ZNF670: variants seen among roughly 807,000 people sequenced by gnomAD.
ZNF670 encodes zinc finger protein 670.
A neutral mutation model predicts 10.9 loss-of-function variants in ZNF670; 7 were observed. That is an observed-to-expected ratio of 0.64 (90% CI 0.36 to 1.20). The LOEUF is 1.20. Among genes scored for constraint, ZNF670 ranks in the 50% most tolerant of loss-of-function variants. The pLI is 0.02. For synonymous variants in ZNF670, 136 were observed against 152.7 expected, an observed-to-expected ratio of 0.89 and a Z score of 0.81; for missense variants, 446 against 458.6, an observed-to-expected ratio of 0.97 and a Z score of 0.25.
chr1:247,055,251 T>TTTCC (rs1173601254), intron 1 of ZNF670, among the ~76,000 whole-genome samples: 1 of 152,218 alleles, frequency 6.6e-6, no homozygotes, highest in African/African-American at 2.4e-5. Context: ...TGGTGAGCAC[T>TTTCC]TTCCTTTCCT....
chr1:247,070,854 C>A (rs914863998), intron 1 of ZNF670, among the ~76,000 whole-genome samples: 8 of 152,216 alleles, frequency 5.3e-5, no homozygotes, highest in Non-Finnish European at 1.2e-4. Flanking sequence ...CCAAAGAAGA[C>A]ATACACATGG....
chr1:247,039,308 G>GC (rs756504124), intron 2 of ZNF670, 103 bp downstream of exon 2: 28 of 1,362,198 alleles, frequency 2.1e-5, no homozygotes, highest in Non-Finnish European at 2.8e-5. Flanking sequence ...CGATTCACCC[G>GC]CCTTGGCCTC....
In ZNF670 at chr1:247,037,200, G is replaced by T; in HGVS notation, c.*249C>A. The stretch of plus-strand genomic sequence containing the variant: ...ATGAACCACTGATAAAAATATATTT[G>T]AAAGCGGCTGGGAAAATAAAGTGTT... On this transcript the variant is annotated 3_prime_UTR_variant, in exon 4 of 4. Coordinates refer to ENST00000366503, the MANE Select transcript of ZNF670 (RefSeq NM_033213.5). 1 of 395,330 alleles carries T rather than the reference G, an allele frequency of 2.5e-6. No individual in the cohort carries two copies. Among genetic ancestry groups the T allele is most frequent in the Non-Finnish European group, 4.5e-6 (1 of 224,622 alleles). 24.5% of individuals were successfully genotyped at this position (395,330 alleles called of 1,614,324 possible).
intron 1 of ZNF670, among the ~76,000 whole-genome samples, chr1:247,061,530 T>C (rs1385746173): frequency 6.6e-6 from 1 of 151,958 alleles, no homozygotes; most frequent in South Asian, 2.1e-4. Context: ...AAAATAATAA[T>C]AGAAAAAACT....
chr1:247,074,492 T>A (rs757597884), intron 1 of ZNF670, among the ~76,000 whole-genome samples: 4 of 152,128 alleles, frequency 2.6e-5, no homozygotes, highest in Non-Finnish European at 4.4e-5. Flanking sequence ...CCCAGTGTTT[T>A]TCCTCATTGC....
intron 1 of ZNF670, among the ~76,000 whole-genome samples, chr1:247,071,356 C>A (rs1002581423): frequency 3.3e-5 from 5 of 152,214 alleles, no homozygotes; most frequent in African/African-American, 7.2e-5. Flanking sequence ...TTATCCTAAT[C>A]AAATTAACAC....
intron 1 of ZNF670, among the ~76,000 whole-genome samples, chr1:247,054,071 T>G (rs185419906): frequency 1.3e-5 from 2 of 152,312 alleles, no homozygotes; most frequent in Admixed American, 1.3e-4. Context: ...TGGAATGTAG[T>G]GCTGCCAACA....
At chr1:247,067,841 CAAAA>C (rs61211824) in intron 1 of ZNF670, among the ~76,000 whole-genome samples, 21 of 85,248 alleles carry the variant, frequency 2.5e-4, no homozygotes, top group Admixed American at 8.5e-4. Flanking sequence ...GACTCCGTCT[CAAAA>C]AAAAAAAAAA....
Position 247,037,795 on chromosome 1 carries a change from T to C in ZNF670, c.824A>G (p.His275Arg), listed in dbSNP as rs766634455. Reference sequence around the variant, plus strand: ...ACATTCATAGGGTTTTTCTCCAGTATGCGTTCTTTCATGTATTCCCAAGTA... The same window carrying C: ...ACATTCATAGGGTTTTTCTCCAGTACGCGTTCTTTCATGTATTCCCAAGTA... ...STYLGIHERT[H>R]TGEKPYECIK... The change falls in exon 4 of 4, where the codon CAT (histidine) becomes CGT (arginine). Residue 275 changes from histidine (H) to arginine (R), a missense_variant. By Grantham distance (29) the His-to-Arg change is conservative. Coordinates refer to ENST00000366503, the MANE Select transcript of ZNF670 (RefSeq NM_033213.5). 6.2e-7 allele frequency: 1 copy of C among 1,613,698 alleles called. No individual in the cohort carries two copies. Among genetic ancestry groups the C allele is most frequent in the South Asian group, 1.1e-5 (1 of 90,946 alleles).
At chr1:247,077,454 G>GT (rs767348359) in intron 1 of ZNF670, among the ~76,000 whole-genome samples, 6 of 152,132 alleles carry the variant, frequency 3.9e-5, no homozygotes, top group Non-Finnish European at 8.8e-5. Context: ...AGATACTCTG[G>GT]TAAGATGTGC....
chr1:247,062,313 C>G (rs1421573653), intron 1 of ZNF670, among the ~76,000 whole-genome samples: 1 of 151,874 alleles, frequency 6.6e-6, no homozygotes, highest in Non-Finnish European at 1.5e-5. Flanking sequence ...TGAAATTACT[C>G]AAAAGAGCAG....
At chr1:247,074,993 C>A (rs537567792) in intron 1 of ZNF670, among the ~76,000 whole-genome samples, 4 of 152,276 alleles carry the variant, frequency 2.6e-5, no homozygotes, top group African/African-American at 9.6e-5. Flanking sequence ...CCTGTGAACA[C>A]CAGATTTCCA....
rs574593723 is a variant in ZNF670 at position 247,035,422 on chromosome 1, C to T, written c.*2027G>A. On this transcript the variant is annotated 3_prime_UTR_variant, in exon 4 of 4. Transcript: ENST00000366503. ...GGGGAATGCTTTGTAGTATCAAGAA[C>T]GTGAGATGCTTCTTGGTTCTCATAA... Among the ~76,000 whole-genome samples, 13 of 152,238 alleles carry T rather than the reference C, an allele frequency of 8.5e-5. No individual in the cohort carries two copies. Among genetic ancestry groups the T allele is most frequent in the African/African-American group, 1.9e-4 (8 of 41,530 alleles).
rs1306237325 is a variant in ZNF670 at position 247,036,945 on chromosome 1, AAAC to A, written c.*501_*503del. The A allele has an allele frequency of 5.2e-5, 8 of 154,178 alleles. No homozygotes were observed. The highest frequency in any genetic ancestry group is 8.6e-5 in the Non-Finnish European group (6 of 69,518). 9.6% of individuals were successfully genotyped at this position (154,178 alleles called of 1,614,324 possible). ...TTGGTCCATTAATTAGAGAACAATT[AAAC>A]AACTACATGAAAATTAAAATTGCCT... On this transcript the variant is annotated 3_prime_UTR_variant, in exon 4 of 4. Coordinates refer to ENST00000366503, the MANE Select transcript of ZNF670 (RefSeq NM_033213.5).
chr1:247,051,758 G>T (rs1670600894), intron 1 of ZNF670, among the ~76,000 whole-genome samples: 1 of 150,474 alleles, frequency 6.6e-6, no homozygotes, highest in South Asian at 2.1e-4. Flanking sequence ...TTATTGCTAG[G>T]TTCAGAGGCT....
intron 1 of ZNF670, among the ~76,000 whole-genome samples, chr1:247,061,937 T>C (rs893884341): frequency 5.9e-5 from 9 of 152,188 alleles, no homozygotes; most frequent in African/African-American, 2.2e-4. Flanking sequence ...ATTAGTACCT[T>C]CAGGAAAAGA....
At chr1:247,065,464 CG>C (rs1266291463) in intron 1 of ZNF670, among the ~76,000 whole-genome samples, 23 of 128,800 alleles carry the variant, frequency 1.8e-4, no homozygotes, top group African/African-American at 7.5e-4. Flanking sequence ...ATAAAGCCTC[CG>C]AAAAAAGAAT....
intron 1 of ZNF670, among the ~76,000 whole-genome samples, chr1:247,068,460 T>A (rs1343919463): frequency 6.7e-6 from 1 of 150,364 alleles, no homozygotes; most frequent in African/African-American, 2.5e-5. Flanking sequence ...TACAATAGGA[T>A]ATCATCTCAC....
rs1162125688 is a variant in ZNF670, at chr1:247,035,001, C to A, written c.*2448G>T. 2.0e-5 allele frequency among the ~76,000 whole-genome samples: 3 copies of A among 152,186 alleles called. No individual in the cohort carries two copies. On this transcript the variant is annotated 3_prime_UTR_variant, in exon 4 of 4. Coordinates refer to ENST00000366503, the MANE Select transcript of ZNF670 (RefSeq NM_033213.5). ...CAGTCATGTCTAGGAGTTGAGAGTT[C>A]TACTGTGGGAAGAGGTGGCAACAGC...
Sources: allele counts gnomAD v4.1 joint callset (sites outside exome capture counted in the v4.1 genomes callset), GRCh38; gene constraint gnomAD v4.1.1; transcripts MANE v1.5; gene names NCBI Gene and HGNC (gene_info 2026-07-23, HGNC 2026-07-21).